The following CTNNA1 variants were observed in gnomAD, a reference collection of about 807,000 sequenced individuals.
CTNNA1 encodes catenin alpha-1.
A neutral mutation model predicts 98.4 loss-of-function variants in CTNNA1; 37 were observed. The observed-to-expected ratio is 0.38, with a 90% CI of 0.29 to 0.49. The LOEUF is 0.49. Among genes scored for constraint, CTNNA1 ranks in the 20% least tolerant of loss-of-function variants. CTNNA1 has a pLI of 0.95. For synonymous variants in CTNNA1, 404 were observed against 413.2 expected, an observed-to-expected ratio of 0.98 and a Z score of 0.27; for missense variants, 761 against 1,147.2, an observed-to-expected ratio of 0.66 and a Z score of 4.86.
chr5:138,867,735 TTTTC>T (rs962847905), intron 7 of CTNNA1, among the ~76,000 whole-genome samples: 9 of 150,216 alleles, frequency 6.0e-5, no homozygotes, highest in East Asian at 1.9e-4. Context: ...TCTCTTATGA[TTTTC>T]TTTCTTTCTT....
In CTNNA1 at chr5:138,887,843, A is replaced by G. The variant is rs559063085; in HGVS notation, c.1296+201A>G. The G allele has an allele frequency of 9.6e-4, 420 of 436,822 alleles. 1 individual carries two copies. The highest frequency in any genetic ancestry group is 1.2e-3 in the Non-Finnish European group (286 of 247,250). The allele number at this position is 436,822 out of a possible 1,614,324, so 27.1% of individuals were successfully genotyped here. Reference sequence around the variant, plus strand: ...TTACATTAACTATGTACGTTATTAAATACTAACAGTTCCTATCCTAGAAGC... The same window carrying G: ...TTACATTAACTATGTACGTTATTAAGTACTAACAGTTCCTATCCTAGAAGC... On this transcript the variant is annotated intron_variant, in intron 9 of 17. Transcript: ENST00000302763.
chr5:138,810,193 C>A lies in CTNNA1; in HGVS notation c.457C>A (p.Gln153Lys), dbSNP rs1219993763. The change falls in exon 4 of 18, where the codon CAG becomes AAG. Residue 153 changes from glutamine (Q) to lysine (K), a missense_variant. Gln to Lys is a moderately conservative substitution (Grantham distance 53, BLOSUM62 1). Coordinates refer to ENST00000302763, the MANE Select transcript of CTNNA1 (RefSeq NM_001903.5). The stretch of plus-strand genomic sequence containing the variant: ...GGCAGATGTCTACAAATTACTTGTT[C>A]AGCTGAAAGTTGTAAGTATACAGGC... ...DMADVYKLLV[Q>K]LKVVEDGILK... The A allele has an allele frequency of 1.1e-5, 17 of 1,613,944 alleles. No individual in the cohort carries two copies. The highest frequency in any genetic ancestry group is 7.6e-6 in the Non-Finnish European group (9 of 1,179,848).
chr5:138,901,727 C>A (rs77385273), intron 9 of CTNNA1, among the ~76,000 whole-genome samples: 1 of 152,128 alleles, frequency 6.6e-6, no homozygotes, highest in Non-Finnish European at 1.5e-5. Context: ...TCATTCTAAC[C>A]TCAGGATCTT....
At chr5:138,792,739 G>C (rs1756516460) in intron 3 of CTNNA1, among the ~76,000 whole-genome samples, 1 of 152,178 alleles carries the variant, frequency 6.6e-6, no homozygotes, top group Non-Finnish European at 1.5e-5. Flanking sequence ...TCCTACTTTG[G>C]AATGTTGAGT....
chr5:138,815,133 T>C (rs1053882671), intron 5 of CTNNA1, among the ~76,000 whole-genome samples: 2 of 151,586 alleles, frequency 1.3e-5, no homozygotes, highest in African/African-American at 4.8e-5. Flanking sequence ...CAAAGCCAAA[T>C]ACTTCTCAAT....
At chr5:138,877,516 C>T (rs1189169576) in intron 7 of CTNNA1, among the ~76,000 whole-genome samples, 4 of 151,130 alleles carry the variant, frequency 2.6e-5, no homozygotes, top group African/African-American at 7.3e-5. Flanking sequence ...GGCGCAATCT[C>T]GGCTCACTGC....
chr5:138,879,048 GA>G (rs1212834156), intron 7 of CTNNA1, among the ~76,000 whole-genome samples: 7 of 151,566 alleles, frequency 4.6e-5, no homozygotes, highest in Non-Finnish European at 8.8e-5. Flanking sequence ...CGTCTCTACC[GA>G]ACATACAAAA....
chr5:138,866,122 C>T (rs1764734406), intron 7 of CTNNA1, among the ~76,000 whole-genome samples: 1 of 152,048 alleles, frequency 6.6e-6, no homozygotes, highest in Non-Finnish European at 1.5e-5. Flanking sequence ...CCAACCTGGG[C>T]AACACATGGT....
intron 1 of CTNNA1, among the ~76,000 whole-genome samples, chr5:138,779,548 A>C (rs1477195356): frequency 6.6e-6 from 1 of 151,890 alleles, no homozygotes; most frequent in Non-Finnish European, 1.5e-5. Context: ...AAAAAAAATA[A>C]GTAGAAATGG....
intron 9 of CTNNA1, among the ~76,000 whole-genome samples, chr5:138,893,135 C>G (rs1056804323): frequency 6.6e-6 from 1 of 152,200 alleles, no homozygotes; most frequent in Non-Finnish European, 1.5e-5. Context: ...CAGCTCTCCT[C>G]TGAATGCCCT....
chr5:138,924,704 A>C lies in CTNNA1; in HGVS notation c.1741A>C (p.Asn581His). Reference sequence around the variant, plus strand: ...TCTGGAAGCCACTAAGCTGCTCTCCAACACAGGTACGGGAACTCTCCCTTT... The same window carrying C: ...TCTGGAAGCCACTAAGCTGCTCTCCCACACAGGTACGGGAACTCTCCCTTT... ...KVLEATKLLS[N>H]TVMPRFTEQV... The change falls in exon 12 of 18, where the codon AAC becomes CAC. Residue 581 changes from asparagine (N) to histidine (H), a missense_variant. Coordinates refer to ENST00000302763, the MANE Select transcript of CTNNA1 (RefSeq NM_001903.5). 1.9e-6 allele frequency: 3 copies of C among 1,570,676 alleles called. No homozygotes were observed. Among genetic ancestry groups the C allele is most frequent in the Non-Finnish European group, 2.6e-6 (3 of 1,157,626 alleles).
intron 1 of CTNNA1, among the ~76,000 whole-genome samples, chr5:138,767,978 T>C (rs1753119007): frequency 6.6e-6 from 1 of 152,234 alleles, no homozygotes; most frequent in Non-Finnish European, 1.5e-5. Context: ...ATATATTGAA[T>C]CAGAATCTGT....
chr5:138,864,737 C>G (rs753601565), intron 7 of CTNNA1, among the ~76,000 whole-genome samples: 3 of 152,196 alleles, frequency 2.0e-5, no homozygotes, highest in Non-Finnish European at 2.9e-5. Context: ...GTTTCATGCA[C>G]AACCAGAGAT....
rs1196196964 is a variant in CTNNA1 at position 138,873,308 on chromosome 5, A to AT, written c.1063-12903dup. The AT allele has an allele frequency of 6.2e-7, 1 of 1,614,060 alleles. No individual in the cohort carries two copies. The highest frequency in any genetic ancestry group is 8.5e-7 in the Non-Finnish European group (1 of 1,179,894). On this transcript the variant is annotated intron_variant, in intron 7 of 17. Transcript: ENST00000302763. The surrounding 1 kb of genome is among the most constrained non-coding windows in gnomAD (Gnocchi z 6.1). ...TCCCGTAATTACCCGCTGAGTGAAG[A>AT]TGGCATTGTCTGGTTCAGGAAAGTG...
chr5:138,817,453 A>T (rs536905882), intron 5 of CTNNA1, among the ~76,000 whole-genome samples: 73 of 152,264 alleles, frequency 4.8e-4, no homozygotes, highest in Non-Finnish European at 9.3e-4. Flanking sequence ...CTGTATGTCC[A>T]TATCTCTCCC....
chr5:138,914,207 A>G (rs1761266541), intron 10 of CTNNA1, among the ~76,000 whole-genome samples: 1 of 152,270 alleles, frequency 6.6e-6, no homozygotes, highest in Non-Finnish European at 1.5e-5. Context: ...AAAAATAAGT[A>G]AAACGTGTGA....
intron 7 of CTNNA1, among the ~76,000 whole-genome samples, chr5:138,833,612 A>G (rs1484512745): frequency 5.9e-5 from 9 of 152,218 alleles, no homozygotes; most frequent in Admixed American, 3.3e-4. Context: ...TGGGTGGTTT[A>G]TTTCTGGCTT....
intron 9 of CTNNA1, among the ~76,000 whole-genome samples, chr5:138,893,196 G>A (rs1280033915): frequency 2.0e-5 from 3 of 152,148 alleles, no homozygotes; most frequent in Admixed American, 1.3e-4. Context: ...CTGGGGATGA[G>A]GGTAGAGCAG....
chr5:138,901,252 A>G (rs10043722), intron 9 of CTNNA1, among the ~76,000 whole-genome samples: 67,552 of 151,756 alleles, frequency 0.45, 15,897 homozygotes, highest in African/African-American at 0.59. Context: ...CCACCTCCTG[A>G]GTTCAAGCAA....
Sources: gnomAD v4.1 joint callset for allele counts (sites outside exome capture counted in the v4.1 genomes callset) on GRCh38, gnomAD v4.1.1 for gene constraint, Gnocchi (gnomAD v3.1) non-coding constraint, MANE v1.5 for transcripts, NCBI Gene and HGNC (gene_info 2026-07-23, HGNC 2026-07-21) for gene names.